Variants in FAM133B observed in about 807,000 individuals in gnomAD.
FAM133B encodes protein FAM133B.
A neutral mutation model predicts 46.4 loss-of-function variants in FAM133B; 25 were observed. The observed-to-expected ratio is 0.54, with a 90% CI of 0.39 to 0.75. FAM133B has a LOEUF of 0.75. Ranked by LOEUF, FAM133B falls within the 30% of genes least tolerant of loss-of-function variation. The pLI is 0.00. For synonymous variants in FAM133B, 75 were observed against 86.0 expected, an observed-to-expected ratio of 0.87 and a Z score of 0.71; for missense variants, 205 against 277.6, an observed-to-expected ratio of 0.74 and a Z score of 1.86.
chr7:92,562,692 A>G (rs1794196978), intron 10 of FAM133B, among the ~76,000 whole-genome samples: 1 of 152,186 alleles, frequency 6.6e-6, no homozygotes, highest in Admixed American at 6.5e-5. Context: ...CTAAAGGTAA[A>G]GTAATTGCAG....
At chr7:92,566,502 C>T (rs1050774242) in intron 9 of FAM133B, among the ~76,000 whole-genome samples, 7 of 151,972 alleles carry the variant, frequency 4.6e-5, no homozygotes, top group African/African-American at 1.7e-4. Flanking sequence ...AATAGCTGGG[C>T]ACAGTGGCAT....
chr7:92,586,670 C>T (rs1795045104), intron 1 of FAM133B, among the ~76,000 whole-genome samples: 1 of 152,066 alleles, frequency 6.6e-6, no homozygotes, highest in Non-Finnish European at 1.5e-5. Context: ...CTCAGGATGG[C>T]AAATTGGTCT....
chr7:92,562,110 A>G lies in FAM133B; in HGVS notation c.*172T>C. 1 of 612,276 alleles carries G rather than the reference A, an allele frequency of 1.6e-6. No individual in the cohort carries two copies. The highest frequency in any genetic ancestry group is 3.4e-5 in the Admixed American group (1 of 29,008). The allele number at this position is 612,276 out of a possible 1,614,324, so 37.9% of individuals were successfully genotyped here. A position where few individuals can be genotyped will look rare whatever the true frequency, so the allele number is the denominator to read the frequency against. The stretch of plus-strand genomic sequence containing the variant: ...AAAAATAGATGTTCAAGCAGCAGGC[A>G]ACATTTATGGCCCTTTCACACAGTG... On this transcript the variant is annotated 3_prime_UTR_variant, in exon 11 of 11. Transcript: ENST00000445716.
At chr7:92,580,979 T>C (rs1794851044) in intron 2 of FAM133B, among the ~76,000 whole-genome samples, 1 of 152,228 alleles carries the variant, frequency 6.6e-6, no homozygotes, top group African/African-American at 2.4e-5. Flanking sequence ...CACTTGGGAT[T>C]CTGAAGTTAA....
intron 3 of FAM133B, 99 bp downstream of exon 3, chr7:92,579,218 G>T: frequency 1.0e-6 from 1 of 973,522 alleles, no homozygotes; most frequent in Non-Finnish European, 1.5e-6. Flanking sequence ...ATGAACTCCT[G>T]GCCTCCCGTT....
chr7:92,585,774 T>C (rs1475359261), intron 1 of FAM133B, among the ~76,000 whole-genome samples: 2 of 151,968 alleles, frequency 1.3e-5, no homozygotes, highest in Admixed American at 6.6e-5. Context: ...ATTCACACAC[T>C]GGAGAAAAAA....
intron 1 of FAM133B, among the ~76,000 whole-genome samples, chr7:92,584,127 C>G (rs961292424): frequency 4.7e-5 from 7 of 147,834 alleles, no homozygotes; most frequent in Non-Finnish European, 1.0e-4. Context: ...GTGGTGTGAT[C>G]ATATCTCACT....
chr7:92,590,182 C>T, intron 1 of FAM133B, 86 bp downstream of exon 1: 1 of 1,607,398 alleles, frequency 6.2e-7, no homozygotes, highest in Non-Finnish European at 8.5e-7. Flanking sequence ...CGCTTGCCCT[C>T]CGGCCCGGCC....
Position 92,590,337 on chromosome 7 carries a change from G to C in FAM133B, c.-46C>G, listed in dbSNP as rs1795167352. ...GTAGCACGCCGAGGGAAACCGGGCC[G>C]GAGAGACTGCCGAAGAGGGCCTGCC... On this transcript the variant is annotated 5_prime_UTR_variant, in exon 1 of 11. Coordinates refer to ENST00000445716, the MANE Select transcript of FAM133B (RefSeq NM_152789.4). 1.2e-6 allele frequency: 2 copies of C among 1,612,628 alleles called. No homozygotes were observed. Among genetic ancestry groups the C allele is most frequent in the African/African-American group, 1.3e-5 (1 of 74,872 alleles).
intron 5 of FAM133B, 92 bp from the exon 6 acceptor site, chr7:92,577,809 T>C: frequency 9.8e-7 from 1 of 1,020,386 alleles, no homozygotes; most frequent in South Asian, 1.7e-5. Context: ...ATCAATCTAG[T>C]GTCTGAGAAA....
At chr7:92,562,631 AAT>A (rs1163800212) in intron 10 of FAM133B, among the ~76,000 whole-genome samples, 8 of 152,248 alleles carry the variant, frequency 5.3e-5, no homozygotes, top group Non-Finnish European at 1.2e-4. Flanking sequence ...GTAGGAAATA[AAT>A]TCAATTGAAT....
At chr7:92,563,831 A>C (rs1794229821) in intron 10 of FAM133B, among the ~76,000 whole-genome samples, 1 of 152,216 alleles carries the variant, frequency 6.6e-6, no homozygotes, top group Admixed American at 6.5e-5. Flanking sequence ...GTCCGCATTC[A>C]AAGTACCAAG....
chr7:92,581,194 AC>A (rs1278498146), intron 2 of FAM133B, among the ~76,000 whole-genome samples: 2 of 152,270 alleles, frequency 1.3e-5, no homozygotes, highest in Non-Finnish European at 2.9e-5. Context: ...TCAGTAAAGG[AC>A]AAGACTACTT....
At chr7:92,587,836 G>C (rs1795080374) in intron 1 of FAM133B, among the ~76,000 whole-genome samples, 1 of 152,210 alleles carries the variant, frequency 6.6e-6, no homozygotes. Context: ...ACATGTCAAT[G>C]TAGGTTCATC....
intron 8 of FAM133B, among the ~76,000 whole-genome samples, chr7:92,572,250 T>G (rs1373599099): frequency 1.3e-5 from 2 of 152,216 alleles, no homozygotes; most frequent in Non-Finnish European, 2.9e-5. Context: ...TTGTATACAT[T>G]AAATTTGCAA....
intron 10 of FAM133B, among the ~76,000 whole-genome samples, chr7:92,564,175 A>G (rs1406184391): frequency 6.6e-6 from 1 of 152,098 alleles, no homozygotes; most frequent in African/African-American, 2.4e-5. Flanking sequence ...GCTTATTCTC[A>G]CTATAGGTCT....
intron 8 of FAM133B, among the ~76,000 whole-genome samples, chr7:92,571,144 C>A (rs529389578): frequency 6.6e-6 from 1 of 152,158 alleles, no homozygotes; most frequent in Non-Finnish European, 1.5e-5. Flanking sequence ...TCTTTAATAA[C>A]GATGACTAAA....
At chr7:92,588,678 A>C (rs1795102806) in intron 1 of FAM133B, among the ~76,000 whole-genome samples, 1 of 152,108 alleles carries the variant, frequency 6.6e-6, no homozygotes, top group Non-Finnish European at 1.5e-5. Flanking sequence ...CCAATGTTGG[A>C]GGTGGGGCCT....
At chr7:92,581,300 C>T (rs1477922836) in intron 2 of FAM133B, among the ~76,000 whole-genome samples, 5 of 152,208 alleles carry the variant, frequency 3.3e-5, no homozygotes, top group African/African-American at 1.2e-4. Flanking sequence ...AGTGCTTTGG[C>T]TATACTGGGT....
Sources: allele counts gnomAD v4.1 joint callset (sites outside exome capture counted in the v4.1 genomes callset), GRCh38; gene constraint gnomAD v4.1.1; transcripts MANE v1.5; gene names NCBI Gene and HGNC (gene_info 2026-07-23, HGNC 2026-07-21).